Variants in INKA2 observed in about 807,000 individuals in gnomAD.
INKA2 encodes inka box actin regulator 2.
INKA2 carries 3 observed loss-of-function variants against 9.8 expected under a neutral mutation model. That is an observed-to-expected ratio of 0.31 (90% CI 0.14 to 0.79). INKA2 has a LOEUF of 0.79. Ranked by LOEUF, INKA2 falls within the 30% of genes least tolerant of loss-of-function variation. The pLI, the probability that INKA2 is intolerant of heterozygous loss-of-function variation, is 0.62. For synonymous variants in INKA2, 147 were observed against 143.3 expected (o/e 1.03, Z -0.18); for missense variants, 392 against 384.4 (o/e 1.02, Z -0.17).
rs1662793656 is a variant in INKA2 at position 111,727,116 on chromosome 1, T to C, written c.746A>G (p.Lys249Arg). The C allele has an allele frequency of 5.0e-6, 8 of 1,614,150 alleles. No homozygotes were observed. The highest frequency in any genetic ancestry group is 1.7e-5 in the Admixed American group (1 of 60,008). The change falls in exon 2 of 2, where the codon AAG becomes AGG. Residue 249 changes from lysine (K) to arginine (R), a missense_variant. Transcript: ENST00000357260. Reference protein sequence around the residue: ...ESRTGRSQKVKKRSLSKGSGH... With the variant: ...ESRTGRSQKVRKRSLSKGSGH... ...AGAGCCCTTGGAAAGGCTCCGCTTCTTGACCTTCTGTGAGCGGCCGGTTCG... is the reference window on the plus strand; with the variant it reads ...AGAGCCCTTGGAAAGGCTCCGCTTCCTGACCTTCTGTGAGCGGCCGGTTCG...
chr1:111,748,813 C>T (rs1391188365), intron 1 of INKA2, among the ~76,000 whole-genome samples: 2 of 152,172 alleles, frequency 1.3e-5, no homozygotes, highest in Admixed American at 6.5e-5. Flanking sequence ...GTGTCACCAC[C>T]GAGGCTCAGA....
intron 1 of INKA2, 89 bp downstream of exon 1, chr1:111,739,097 C>G (rs1448153441): frequency 3.1e-6 from 4 of 1,311,100 alleles, no homozygotes; most frequent in Non-Finnish European, 4.4e-6. Flanking sequence ...GCCCTGCTTA[C>G]GTCCCGGCTC....
At chr1:111,736,847 T>C (rs1018473196) in intron 1 of INKA2, among the ~76,000 whole-genome samples, 2 of 152,258 alleles carry the variant, frequency 1.3e-5, no homozygotes, top group Non-Finnish European at 2.9e-5. Flanking sequence ...CTACTGTCCC[T>C]GGGCAAGGCA....
rs377342526 is a variant in INKA2, at chr1:111,755,577, G to A, written n.124+124C>T. On this transcript the variant is annotated intron_variant and non_coding_transcript_variant, in intron 1 of 1. Coordinates refer to the INKA2 transcript ENST00000444059. ...ACGCACCGGGCGCATCACAAAGAAC[G>A]GCGAGAGGGCGGTGGCGCCGGGGGC... is the stretch of plus-strand genomic sequence containing the variant. 199 of 1,121,006 alleles carry A rather than the reference G, an allele frequency of 1.8e-4. 9 individuals are homozygous for A. The highest frequency in any genetic ancestry group is 1.2e-3 in the East Asian group (45 of 37,052). 69.4% of individuals were successfully genotyped at this position (1,121,006 alleles called of 1,614,324 possible).
intron 1 of INKA2, among the ~76,000 whole-genome samples, chr1:111,730,547 C>T (rs1662883474): frequency 6.6e-6 from 1 of 152,184 alleles, no homozygotes; most frequent in African/African-American, 2.4e-5. Context: ...AGACTCAAAT[C>T]CAAACTATTT....
chr1:111,752,929 A>C lies in INKA2; in HGVS notation n.124+2772T>G, dbSNP rs189480630. ...TAGCCAGGATGGTCTTGATCTCCTGACCTTGTGATCCGCCCACCTCGGCCT... is the reference window on the plus strand; with the variant it reads ...TAGCCAGGATGGTCTTGATCTCCTGCCCTTGTGATCCGCCCACCTCGGCCT... On this transcript the variant is annotated intron_variant and non_coding_transcript_variant, in intron 1 of 1. Transcript: ENST00000444059. Among the ~76,000 whole-genome samples, 15 of 152,160 alleles carry C rather than the reference A, an allele frequency of 9.9e-5. No individual in the cohort carries two copies. The East Asian group carries it at 2.9e-3, about 29-fold the overall frequency.
At chr1:111,755,585 G>A in intron 1 of INKA2, 2 of 1,211,052 alleles carry the variant, frequency 1.7e-6, no homozygotes, top group Non-Finnish European at 2.3e-6. Context: ...ACGGCGAGAG[G>A]GCGGTGGCGC....
At chr1:111,735,885 T>C (rs914132634) in intron 1 of INKA2, among the ~76,000 whole-genome samples, 1 of 152,108 alleles carries the variant, frequency 6.6e-6, no homozygotes, top group African/African-American at 2.4e-5. Context: ...TCCTGCAACC[T>C]CTCCCTCCTC....
chr1:111,744,063 G>T (rs755352986), upstream of INKA2, among the ~76,000 whole-genome samples: 4 of 152,248 alleles, frequency 2.6e-5, no homozygotes, highest in Admixed American at 1.3e-4. Flanking sequence ...GGTAGGGGAG[G>T]AACTGGACTG....
intron 1 of INKA2, chr1:111,755,674 C>T (rs1232025832): frequency 1.1e-5 from 17 of 1,612,974 alleles, no homozygotes; most frequent in East Asian, 2.2e-5. Flanking sequence ...CCGCGGCGCC[C>T]TCTGCAGGCC....
At chr1:111,735,795 C>A (rs1158993059) in intron 1 of INKA2, among the ~76,000 whole-genome samples, 1 of 152,192 alleles carries the variant, frequency 6.6e-6, no homozygotes, top group Admixed American at 6.5e-5. Context: ...TTTGCCAGAA[C>A]CCCCTGAACT....
intron 1 of INKA2, chr1:111,753,337 T>C (rs1663449759): frequency 6.6e-6 from 1 of 152,202 alleles, no homozygotes; most frequent in African/African-American, 2.4e-5. Context: ...CATTTCTGTA[T>C]GTGTTATGCT....
rs538653289 is a variant in INKA2 at position 111,733,103 on chromosome 1, C to T, written c.58-5299G>A. Among the ~76,000 whole-genome samples, 3 of 152,252 alleles carry T rather than the reference C, an allele frequency of 2.0e-5. No individual in the cohort carries two copies. In the East Asian group the frequency reaches 5.8e-4, roughly 29 times the overall value. ...CAGGGGCTGGGAGGTCCATCTTCTC[C>T]CTCAGTGTTTCCCAGCATTCCTCCC... On this transcript the variant is annotated intron_variant, in intron 1 of 1. Transcript: ENST00000357260.
In INKA2 at chr1:111,726,713, A is replaced by G. The variant is rs1662778562; in HGVS notation, c.*255T>C. ...GCATGCCAGACAGACACACACATGC[A>G]CACACACACACACACACGCACAGCT... On this transcript the variant is annotated 3_prime_UTR_variant, in exon 2 of 2. Transcript: ENST00000357260. 2 of 257,890 alleles carry G rather than the reference A, an allele frequency of 7.8e-6. No individual in the cohort carries two copies. The highest frequency in any genetic ancestry group is 6.2e-5 in the South Asian group (1 of 16,028). 16.0% of individuals were successfully genotyped at this position (257,890 alleles called of 1,614,324 possible).
At chr1:111,747,276 G>A (rs1253104078) in intron 1 of INKA2, 1 of 152,212 alleles carries the variant, frequency 6.6e-6, no homozygotes, top group Non-Finnish European at 1.5e-5. Context: ...GAGCTTAGGA[G>A]GCTGGTGATA....
chr1:111,742,252 G>A (rs1170573320), upstream of INKA2, among the ~76,000 whole-genome samples: 1 of 152,108 alleles, frequency 6.6e-6, no homozygotes, highest in African/African-American at 2.4e-5. Flanking sequence ...CTGCTTATGG[G>A]TTTAAACCTT....
chr1:111,755,009 G>C (rs1347656488), intron 1 of INKA2: 1 of 152,550 alleles, frequency 6.6e-6, no homozygotes, highest in Non-Finnish European at 1.5e-5. Context: ...TTGAGCAGAA[G>C]ACCACAGCAA....
At chr1:111,733,306 T>C (rs2101367242) in intron 1 of INKA2, among the ~76,000 whole-genome samples, 1 of 152,274 alleles carries the variant, frequency 6.6e-6, no homozygotes, top group Non-Finnish European at 1.5e-5. Flanking sequence ...TCCTGGAGTA[T>C]CGCCTCCATC....
intron 1 of INKA2, chr1:111,753,627 T>C (rs1200876597): frequency 1.3e-5 from 2 of 152,210 alleles, no homozygotes; most frequent in Non-Finnish European, 2.9e-5. Flanking sequence ...TCAGCAGTGA[T>C]TGGTGTGAGT....
Sources: allele counts gnomAD v4.1 joint callset (sites outside exome capture counted in the v4.1 genomes callset), GRCh38; gene constraint gnomAD v4.1.1; transcripts MANE v1.5; gene names NCBI Gene and HGNC (gene_info 2026-07-23, HGNC 2026-07-21).